ZNF317: variants seen among roughly 807,000 people sequenced by gnomAD.
The protein encoded by ZNF317 is KRAB-containing zinc finger protein 317.
In ZNF317, 17 loss-of-function variants were observed where a neutral mutation model predicts 23.4. That is an observed-to-expected ratio of 0.73 (90% CI 0.50 to 1.09). The LOEUF (loss-of-function observed/expected upper bound fraction) is 1.09. Among genes scored for constraint, ZNF317 ranks in the 50% least tolerant of loss-of-function variants. The pLI is 0.00. For synonymous variants in ZNF317, 317 were observed against 314.9 expected (o/e 1.01, Z -0.07); for missense variants, 679 against 796.7 (o/e 0.85, Z 1.78).
At chr19:9,144,712 C>T (rs1240229427) in intron 1 of ZNF317, among the ~76,000 whole-genome samples, 1 of 152,088 alleles carries the variant, frequency 6.6e-6, no homozygotes, top group African/African-American at 2.4e-5. Context: ...ATTGCTATTG[C>T]ATACCATCAT....
chr19:9,146,299 G>A (rs933998591), intron 1 of ZNF317, among the ~76,000 whole-genome samples: 10 of 151,712 alleles, frequency 6.6e-5, no homozygotes, highest in African/African-American at 2.4e-4. Flanking sequence ...GTTGAAAGGA[G>A]GGTATATTGA....
At chr19:9,148,438 C>T (rs1253958764) in intron 1 of ZNF317, among the ~76,000 whole-genome samples, 1 of 152,132 alleles carries the variant, frequency 6.6e-6, no homozygotes, top group African/African-American at 2.4e-5. Context: ...TGGATGTTGG[C>T]CCCAGGGTGT....
intron 1 of ZNF317, among the ~76,000 whole-genome samples, chr19:9,145,151 TCTC>T (rs1401557062): frequency 6.6e-6 from 1 of 152,204 alleles, no homozygotes; most frequent in Non-Finnish European, 1.5e-5. Flanking sequence ...TTCCAGCAAT[TCTC>T]CTGCCTCAGC....
At position 9,156,731 on chromosome 19, in the gene ZNF317, C is replaced by G. The variant is rs779976643; in HGVS notation, c.145C>G (p.Pro49Ala). The G allele has an allele frequency of 1.2e-6, 2 of 1,613,930 alleles. No individual in the cohort carries two copies. The highest frequency in any genetic ancestry group is 2.2e-5 in the East Asian group (1 of 44,886). The change falls in exon 3 of 7, where the codon CCC becomes GCC. Residue 49 changes from proline to alanine, a missense_variant. Physicochemically the swap from Pro to Ala is conservative, Grantham distance 27 (BLOSUM62 -1). Transcript: ENST00000247956. ...FVCSGLEPHTPSVGSQESVTF... is the reference protein window; with the variant it reads ...FVCSGLEPHTASVGSQESVTF... ...GTGCAGTGGTCTGGAGCCTCACACA[C>G]CCAGTGTTGGTTCCCAGGTGCACTA...
At chr19:9,142,555 T>G (rs2050642756) in intron 1 of ZNF317, among the ~76,000 whole-genome samples, 1 of 151,850 alleles carries the variant, frequency 6.6e-6, no homozygotes, top group African/African-American at 2.4e-5. Context: ...TTTTTTTTTT[T>G]TTTTTGCCAT....
chr19:9,148,785 C>G (rs932755948), intron 1 of ZNF317, among the ~76,000 whole-genome samples: 1 of 152,170 alleles, frequency 6.6e-6, no homozygotes, highest in African/African-American at 2.4e-5. Context: ...ATGGAGGAGA[C>G]AGCAGAGAGA....
rs753863319 is a variant in ZNF317 at position 9,160,206 on chromosome 19, G to C, written c.561G>C (p.Arg187Ser). The part of the protein sequence containing the change: ...MDPHLTQPMG[R>S]HAGKRPYHRR... ...CTCATCTCACTCAGCCAATGGGAAGGCACGCTGGCAAGAGGCCCTATCACC... is the reference window on the plus strand; with the variant it reads ...CTCATCTCACTCAGCCAATGGGAAGCCACGCTGGCAAGAGGCCCTATCACC... Residue 187 changes from arginine to serine, a missense_variant, in exon 7 of 7, where the codon AGG (arginine) becomes AGC (serine). By Grantham distance (110) the Arg-to-Ser change is moderately radical. Transcript: ENST00000247956. This position sits in a 1 kb window ranked among gnomAD's most constrained non-coding sequence, Gnocchi z 6.8. 2 of 1,614,140 alleles carry C rather than the reference G, an allele frequency of 1.2e-6. No homozygotes were observed. The highest frequency in any genetic ancestry group is 1.7e-6 in the Non-Finnish European group (2 of 1,180,024).
Position 9,161,154 on chromosome 19 carries a change from G to A in ZNF317, c.1509G>A (p.Glu503=), listed in dbSNP as rs367620887. 11 of 1,614,094 alleles carry A rather than the reference G, an allele frequency of 6.8e-6. No homozygotes were observed. Among genetic ancestry groups the A allele is most frequent in the East Asian group, 2.2e-5 (1 of 44,880 alleles). Residue 503 remains glutamate (E), a synonymous_variant, in exon 7 of 7, where the codon GAG becomes GAA. Transcript: ENST00000247956. This position sits in a 1 kb window ranked among gnomAD's most constrained non-coding sequence, Gnocchi z 4.0. ...TTCACCTTGTAAAGAAACGAGTTGA[G>A]TGTAGGCAGTGTGGCAAGGCCTTCA... ...MSVHLVKKRV[E]CRQCGKAFRN...
In ZNF317 at chr19:9,160,297, G is replaced by T. The variant is rs138310051; in HGVS notation, c.652G>T (p.Gly218Trp). The T allele has an allele frequency of 3.7e-6, 6 of 1,614,182 alleles. No homozygotes were observed. The highest frequency in any genetic ancestry group is 5.1e-6 in the Non-Finnish European group (6 of 1,180,044). Residue 218 changes from glycine (G) to tryptophan (W), a missense_variant, in exon 7 of 7, where the codon GGG becomes TGG. Coordinates refer to ENST00000247956, the MANE Select transcript of ZNF317 (RefSeq NM_020933.5). The surrounding 1 kb of genome is among the most constrained non-coding windows in gnomAD (Gnocchi z 6.8). The part of the protein sequence containing the change: ...HLTQHMSMYD[G>W]RKMHECHQCQ... ...CACTCAGCACATGAGCATGTACGAC[G>T]GGAGAAAAATGCATGAATGTCATCA...
At chr19:9,143,560 T>C (rs751008326) in intron 1 of ZNF317, among the ~76,000 whole-genome samples, 2 of 152,080 alleles carry the variant, frequency 1.3e-5, no homozygotes, top group Admixed American at 6.6e-5. Context: ...TTTCTGGTTA[T>C]CTTTTGGTCA....
At chr19:9,154,051 C>CA (rs1479166884) in intron 1 of ZNF317, among the ~76,000 whole-genome samples, 1 of 152,034 alleles carries the variant, frequency 6.6e-6, no homozygotes, top group African/African-American at 2.4e-5. Flanking sequence ...AAAGGAGAGC[C>CA]AGGTAGTGCG....
intron 1 of ZNF317, among the ~76,000 whole-genome samples, chr19:9,148,465 G>T (rs755403743): frequency 6.6e-6 from 1 of 152,166 alleles, no homozygotes; most frequent in Non-Finnish European, 1.5e-5. Context: ...AAGCCATAGG[G>T]CTGTGTCCTA....
At chr19:9,144,485 TCTC>T (rs146159838) in intron 1 of ZNF317, among the ~76,000 whole-genome samples, 36,638 of 151,920 alleles carry the variant, frequency 0.24, 4,851 homozygotes, top group African/African-American at 0.36. Context: ...TTTTTGTCAT[TCTC>T]CTTTTTTATT....
At chr19:9,158,941 C>T in intron 6 of ZNF317, 33 bp downstream of exon 6, 1 of 1,494,750 alleles carries the variant, frequency 6.7e-7, no homozygotes, top group Non-Finnish European at 9.3e-7. Context: ...CTGGATCTTC[C>T]TTCCACGTCT....
In ZNF317 at chr19:9,160,272, C is replaced by G. The variant is rs748401371; in HGVS notation, c.627C>G (p.Leu209=). The change falls in exon 7 of 7, where the codon CTC becomes CTG. Residue 209 remains leucine (L), a synonymous_variant. Coordinates refer to ENST00000247956, the MANE Select transcript of ZNF317 (RefSeq NM_020933.5). The surrounding 1 kb of genome is among the most constrained non-coding windows in gnomAD (Gnocchi z 6.8). ...TAGCGTTCAAGGGCAGGCCGCACCTCACTCAGCACATGAGCATGTACGACG... is the reference window on the plus strand; with the variant it reads ...TAGCGTTCAAGGGCAGGCCGCACCTGACTCAGCACATGAGCATGTACGACG... ...YGVAFKGRPH[L]TQHMSMYDGR... 8 of 1,614,080 alleles carry G rather than the reference C, an allele frequency of 5.0e-6. No homozygotes were observed. The highest frequency in any genetic ancestry group is 2.7e-5 in the African/African-American group (2 of 74,934).
At chr19:9,149,975 A>G (rs1422967069) in intron 1 of ZNF317, among the ~76,000 whole-genome samples, 1 of 152,164 alleles carries the variant, frequency 6.6e-6, no homozygotes, top group African/African-American at 2.4e-5. Context: ...GGCTGGCAGG[A>G]TTTGCTGGTG....
chr19:9,152,881 G>A (rs2050748142), intron 1 of ZNF317, among the ~76,000 whole-genome samples: 1 of 152,116 alleles, frequency 6.6e-6, no homozygotes, highest in South Asian at 2.1e-4. Flanking sequence ...CTAATGTGTT[G>A]GTGCATAATT....
In ZNF317 at chr19:9,161,150, T is replaced by C. The variant is rs539384909; in HGVS notation, c.1505T>C (p.Val502Ala). 6.0e-5 allele frequency: 97 copies of C among 1,613,624 alleles called. No individual in the cohort carries two copies. The South Asian group carries it at 9.9e-4, about 16-fold the overall frequency. The change falls in exon 7 of 7, where the codon GTT (valine) becomes GCT (alanine). Residue 502 changes from valine to alanine, a missense_variant. Physicochemically the swap from Val to Ala is moderately conservative, Grantham distance 64. Coordinates refer to ENST00000247956, the MANE Select transcript of ZNF317 (RefSeq NM_020933.5). This position sits in a 1 kb window ranked among gnomAD's most constrained non-coding sequence, Gnocchi z 4.0. ...AGCGTTCACCTTGTAAAGAAACGAG[T>C]TGAGTGTAGGCAGTGTGGCAAGGCC... ...HMSVHLVKKR[V>A]ECRQCGKAFR...
intron 2 of ZNF317, among the ~76,000 whole-genome samples, 198 bp downstream of exon 2, chr19:9,156,239 G>T (rs2050781309): frequency 6.6e-6 from 1 of 152,182 alleles, no homozygotes; most frequent in Non-Finnish European, 1.5e-5. Flanking sequence ...GAGCAGGCCA[G>T]TGTCCTTATC....
Sources: gnomAD v4.1 joint callset for allele counts (sites outside exome capture counted in the v4.1 genomes callset) on GRCh38, gnomAD v4.1.1 for gene constraint, Gnocchi (gnomAD v3.1) non-coding constraint, MANE v1.5 for transcripts, NCBI Gene and HGNC (gene_info 2026-07-23, HGNC 2026-07-21) for gene names.